The following SLC6A16 variants were observed in gnomAD, a reference collection of about 807,000 sequenced individuals.
SLC6A16 encodes the protein solute carrier family 6 member 16.
Under a neutral mutation model 65.4 loss-of-function variants are expected in SLC6A16, and 54 were observed. The ratio of observed to expected loss-of-function variants is 0.83; its 90% CI spans 0.66 to 1.04. The LOEUF is 1.04. Ranked by LOEUF, SLC6A16 falls within the 50% of genes least tolerant of loss-of-function variation. The probability of loss-of-function intolerance (pLI) is 0.00; values close to 1 mark genes in which losing one functional copy is unlikely to be tolerated. For missense variants in SLC6A16, 816 were observed against 914.0 expected, an observed-to-expected ratio of 0.89 and a Z score of 1.38; for synonymous variants, 330 against 346.5, an observed-to-expected ratio of 0.95 and a Z score of 0.53.
At chr19:49,314,130 T>TAATC (rs1970577646) in intron 1 of SLC6A16, among the ~76,000 whole-genome samples, 1 of 151,224 alleles carries the variant, frequency 6.6e-6, no homozygotes, top group Non-Finnish European at 1.5e-5. Flanking sequence ...ATCATAATCA[T>TAATC]AATCAAGAAA....
chr19:49,326,871 G>C (rs1424196064), upstream of SLC6A16, among the ~76,000 whole-genome samples: 1 of 151,302 alleles, frequency 6.6e-6, no homozygotes, highest in Non-Finnish European at 1.5e-5. Context: ...ATACAAAAAC[G>C]AGCCAGGTGT....
chr19:49,309,493 C>A, intron 5 of SLC6A16, 82 bp from the exon 6 acceptor site: 1 of 1,324,348 alleles, frequency 7.6e-7, no homozygotes, highest in South Asian at 1.2e-5. Context: ...AGTTCTGAGT[C>A]AGAAATGAGT....
In SLC6A16 at chr19:49,311,105, G is replaced by A. The variant is rs1970511947; in HGVS notation, c.243C>T (p.Asn81=). Residue 81 remains asparagine, a synonymous_variant, in exon 2 of 12, where the codon AAC becomes AAT. Coordinates refer to ENST00000335875, the MANE Select transcript of SLC6A16 (RefSeq NM_014037.3). ...GCACCTTCTCATGCGTGGGTTTCTG[G>A]TTCAGGGCTGAGGCAGTTAACGCCT... The part of the protein sequence containing the change: ...VLEALTASAL[N]QKPTHEKVQM... 1 of 1,614,114 alleles carries A rather than the reference G, an allele frequency of 6.2e-7. No individual in the cohort carries two copies. The highest frequency in any genetic ancestry group is 1.1e-5 in the South Asian group (1 of 91,088).
rs750394273 is a variant in SLC6A16 at position 49,294,417 on chromosome 19, T to C, written c.1366A>G (p.Met456Val). ...LSGLPQHIKS[M>V]VLREVTECNI... is the part of the protein sequence containing the mutation. ...CACTCAGTCACCTCGCGGAGAACCA[T>C]GCTTTTGATGTGCTGGGGAAGGCCA... is the stretch of plus-strand genomic sequence containing the variant. Residue 456 changes from methionine to valine, a missense_variant, in exon 8 of 12, where the codon ATG (methionine) becomes GTG (valine). Met to Val is a conservative substitution (Grantham distance 21, BLOSUM62 1). Transcript: ENST00000335875. 6.2e-7 allele frequency: 1 copy of C among 1,614,036 alleles called. No homozygotes were observed. Among genetic ancestry groups the C allele is most frequent in the African/African-American group, 1.3e-5 (1 of 74,930 alleles).
chr19:49,304,169 A>T (rs1034431905), intron 7 of SLC6A16, among the ~76,000 whole-genome samples: 2 of 152,366 alleles, frequency 1.3e-5, no homozygotes, highest in African/African-American at 4.8e-5. Context: ...AAAAGAGGAA[A>T]TGTGAACGTT....
rs1970111311 is a variant in SLC6A16, at chr19:49,293,208, G to C, written c.1778+15C>G. The C allele has an allele frequency of 3.1e-6, 5 of 1,613,640 alleles. No homozygotes were observed. Among genetic ancestry groups the C allele is most frequent in the Non-Finnish European group, 4.2e-6 (5 of 1,179,856 alleles). On this transcript the variant is annotated intron_variant, in intron 10 of 11. Transcript: ENST00000335875. The stretch of plus-strand genomic sequence containing the variant: ...TAGTCCCATGCTTTGTGAGAACCTG[G>C]GCTTAGGACATCACCTCCTGGCCCC...
chr19:49,293,255 G>A lies in SLC6A16; in HGVS notation c.1746C>T (p.Thr582=), dbSNP rs370749316. ...CCCCATAGGCCCAGGATACAGCCAT[G>A]GTTTCAAATACGACAACGACGATGA... ...FPIIVVVVFE[T]MAVSWAYGAR... The change falls in exon 10 of 12, where the codon ACC becomes ACT. Residue 582 remains threonine (T), a synonymous_variant. Coordinates refer to ENST00000335875, the MANE Select transcript of SLC6A16 (RefSeq NM_014037.3). The A allele has an allele frequency of 3.1e-6, 5 of 1,613,978 alleles. No homozygotes were observed. Among genetic ancestry groups the A allele is most frequent in the African/African-American group, 1.3e-5 (1 of 74,898 alleles).
At chr19:49,334,942 A>C in the SLC6A16 span, among the ~76,000 whole-genome samples, 1 of 152,102 alleles carries the variant, frequency 6.6e-6, no homozygotes, top group Non-Finnish European at 1.5e-5. Context: ...TAGAGACCCC[A>C]GGAGGCAGGA....
At chr19:49,323,057 C>A (rs956136319) in intron 1 of SLC6A16, among the ~76,000 whole-genome samples, 2 of 151,602 alleles carry the variant, frequency 1.3e-5, no homozygotes, top group Non-Finnish European at 2.9e-5. Context: ...GAATAGAGGG[C>A]CCAGAAACAA....
At chr19:49,320,917 G>A (rs757196588) in intron 1 of SLC6A16, among the ~76,000 whole-genome samples, 55 of 152,286 alleles carry the variant, frequency 3.6e-4, no homozygotes, top group Non-Finnish European at 2.4e-4. Flanking sequence ...GGCTTCATGG[G>A]TGAATTCTAC....
chr19:49,339,450 A>T, the SLC6A16 span: 1 of 1,591,990 alleles, frequency 6.3e-7, no homozygotes, highest in East Asian at 2.2e-5. The surrounding 1 kb of genome is among the most constrained non-coding windows in gnomAD (Gnocchi z 4.5). Flanking sequence ...ATCGGCCCTA[A>T]ATCCCTAGAT....
At chr19:49,336,594 G>T in the SLC6A16 span, 1 of 280,424 alleles carries the variant, frequency 3.6e-6, no homozygotes, top group East Asian at 8.1e-5. Context: ...CATCTCCTAT[G>T]CCTCAGGGAG....
Position 49,325,163 on chromosome 19 carries a change from A to G in SLC6A16, c.-180T>C, listed in dbSNP as rs1232492458. On this transcript the variant is annotated 5_prime_UTR_variant, in exon 1 of 12. Transcript: ENST00000335875. ...TCCTCAGGCCCCTTCAGGCGTCGAC[A>G]GATCGGTTTGGGCGACACCCCTCGA... is the stretch of plus-strand genomic sequence containing the variant. 1.0e-6 allele frequency: 1 copy of G among 985,340 alleles called. No individual in the cohort carries two copies. The highest frequency in any genetic ancestry group is 1.2e-6 in the Non-Finnish European group (1 of 829,956). 61.0% of individuals were successfully genotyped at this position (985,340 alleles called of 1,614,324 possible).
chr19:49,313,954 G>C (rs1970571800), intron 1 of SLC6A16, among the ~76,000 whole-genome samples: 1 of 152,096 alleles, frequency 6.6e-6, no homozygotes. Context: ...AAATTAGCCA[G>C]GCACAGTGGC....
intron 7 of SLC6A16, among the ~76,000 whole-genome samples, chr19:49,304,923 A>G (rs950254177): frequency 2.6e-5 from 4 of 152,254 alleles, no homozygotes; most frequent in African/African-American, 9.6e-5. Context: ...TTTCATATAC[A>G]TACAATTATA....
In SLC6A16 at chr19:49,290,238, G is replaced by A; in HGVS notation, c.2096C>T (p.Ala699Val). ...GTGACTTAGGGGTAGGGATGTGGAG[G>A]CTGTCATAGGCCCGTCTCCGCTCTT... ...RPKSGDGPMT[A>V]STSLPLSHQL... Residue 699 changes from alanine to valine, a missense_variant, in exon 12 of 12, where the codon GCC (alanine) becomes GTC (valine). Coordinates refer to ENST00000335875, the MANE Select transcript of SLC6A16 (RefSeq NM_014037.3). 6.2e-7 allele frequency: 1 copy of A among 1,614,090 alleles called. No homozygotes were observed. The highest frequency in any genetic ancestry group is 1.3e-5 in the African/African-American group (1 of 74,988).
At position 49,293,940 on chromosome 19, in the gene SLC6A16, A is replaced by C; in HGVS notation, c.1505T>G (p.Phe502Cys). The change falls in exon 9 of 12, where the codon TTC (phenylalanine) becomes TGC (cysteine). Residue 502 changes from phenylalanine to cysteine, a missense_variant. Transcript: ENST00000335875. The stretch of plus-strand genomic sequence containing the variant: ...CAGCCCCATGGCCAGCAACATCAGG[A>C]AGAAGATAAAAGACCAGAAGACAGA... ...PPSVFWSFIFFLMLLAMGLSS... is the reference protein window; with the variant it reads ...PPSVFWSFIFCLMLLAMGLSS... The C allele has an allele frequency of 6.2e-7, 1 of 1,614,038 alleles. No homozygotes were observed. The highest frequency in any genetic ancestry group is 8.5e-7 in the Non-Finnish European group (1 of 1,180,020).
At chr19:49,339,650 CT>C in the SLC6A16 span, 6 of 1,428,852 alleles carry the variant, frequency 4.2e-6, no homozygotes, top group Non-Finnish European at 5.5e-6. The surrounding 1 kb of genome is among the most constrained non-coding windows in gnomAD (Gnocchi z 4.5). Flanking sequence ...CCTCCCCTTT[CT>C]CCGCAGATGA....
Position 49,290,022 on chromosome 19 carries a change from T to C in SLC6A16, c.*101A>G. The C allele has an allele frequency of 8.1e-7, 1 of 1,234,646 alleles. No homozygotes were observed. The highest frequency in any genetic ancestry group is 1.1e-6 in the Non-Finnish European group (1 of 886,200). The allele number at this position is 1,234,646 out of a possible 1,614,324, so 76.5% of individuals were successfully genotyped here. A position where few individuals can be genotyped will look rare whatever the true frequency, so the allele number is the denominator to read the frequency against. On this transcript the variant is annotated 3_prime_UTR_variant, in exon 12 of 12. Coordinates refer to ENST00000335875, the MANE Select transcript of SLC6A16 (RefSeq NM_014037.3). Reference sequence around the variant, plus strand: ...ATGCCCCTCCTCTTGGAAATAAAAGTGGTTCTGGATCCAGGGAGATCAACA... The same window carrying C: ...ATGCCCCTCCTCTTGGAAATAAAAGCGGTTCTGGATCCAGGGAGATCAACA...
Sources: allele counts gnomAD v4.1 joint callset (sites outside exome capture counted in the v4.1 genomes callset), GRCh38; gene constraint gnomAD v4.1.1; non-coding constraint Gnocchi (gnomAD v3.1); transcripts MANE v1.5; gene names NCBI Gene and HGNC (gene_info 2026-07-23, HGNC 2026-07-21).